Variants in HSD17B12 observed in about 807,000 individuals in gnomAD.
HSD17B12 encodes very-long-chain 3-oxoacyl-CoA reductase.
In HSD17B12, 32 loss-of-function variants were observed where a neutral mutation model predicts 39.3. The observed-to-expected ratio is 0.81, with a 90% CI of 0.61 to 1.09. The LOEUF (loss-of-function observed/expected upper bound fraction) is 1.09, where lower values mean the gene tolerates loss of function less well. Among genes scored for constraint, HSD17B12 ranks in the 50% least tolerant of loss-of-function variants. HSD17B12 has a pLI of 0.00. For missense variants in HSD17B12, 342 were observed against 382.9 expected (o/e 0.89, Z 0.89); for synonymous variants, 150 against 146.7 (o/e 1.02, Z -0.16).
chr11:43,678,392 A>G (rs1376786884), upstream of HSD17B12, among the ~76,000 whole-genome samples: 17 of 151,926 alleles, frequency 1.1e-4, 1 homozygote, highest in Non-Finnish European at 2.5e-4. Flanking sequence ...TTGCCTGTTC[A>G]CTCTGATGGT....
intron 1 of HSD17B12, among the ~76,000 whole-genome samples, chr11:43,735,533 T>C (rs1950308792): frequency 6.6e-6 from 1 of 152,240 alleles, no homozygotes. Flanking sequence ...CTGTTGGCCA[T>C]TTGTATATCC....
At chr11:43,714,915 GCTCT>G (rs982556488) in intron 1 of HSD17B12, among the ~76,000 whole-genome samples, 69 of 152,128 alleles carry the variant, frequency 4.5e-4, no homozygotes, top group African/African-American at 1.5e-3. Flanking sequence ...TCATGGTTTG[GCTCT>G]CTATTTGTCT....
At chr11:43,627,706 TA>T in the HSD17B12 span, among the ~76,000 whole-genome samples, 2 of 152,016 alleles carry the variant, frequency 1.3e-5, no homozygotes, top group Non-Finnish European at 2.9e-5. Context: ...TTTTGCCTCT[TA>T]TAAAAAAATT....
At chr11:43,715,740 G>A (rs1950116353) in intron 1 of HSD17B12, among the ~76,000 whole-genome samples, 1 of 152,160 alleles carries the variant, frequency 6.6e-6, no homozygotes. Flanking sequence ...ATTTGGCTGT[G>A]AATCTGTCTA....
rs930815029 is a variant in HSD17B12 at position 43,838,208 on chromosome 11, A to G, written c.537-109A>G. On this transcript the variant is annotated intron_variant, in intron 7 of 10. Coordinates refer to ENST00000278353, the MANE Select transcript of HSD17B12 (RefSeq NM_016142.3). ...AGGCAGGGAGAGATATGTGGTAGAAAAACAGCTACATTATTCTGTTTCGAA... is the reference window on the plus strand; with the variant it reads ...AGGCAGGGAGAGATATGTGGTAGAAGAACAGCTACATTATTCTGTTTCGAA... 7 of 783,676 alleles carry G rather than the reference A, an allele frequency of 8.9e-6. No individual in the cohort carries two copies. The South Asian group carries it at 1.0e-4, about 12-fold the overall frequency. The allele number at this position is 783,676 out of a possible 1,614,324, so 48.5% of individuals were successfully genotyped here.
At chr11:43,807,795 G>T (rs898720070) in intron 4 of HSD17B12, among the ~76,000 whole-genome samples, 14 of 152,102 alleles carry the variant, frequency 9.2e-5, no homozygotes, top group African/African-American at 3.4e-4. Flanking sequence ...TTCTGATGAG[G>T]GTCCTCATCG....
At chr11:43,581,500 G>T in the HSD17B12 span, 12 of 492,356 alleles carry the variant, frequency 2.4e-5, no homozygotes, top group South Asian at 1.2e-4. This position sits in a 1 kb window ranked among gnomAD's most constrained non-coding sequence, Gnocchi z 4.9. Context: ...TCGAGAAGAC[G>T]GCAGCCATCC....
chr11:43,798,389 T>A lies in HSD17B12; in HGVS notation c.353T>A (p.Ile118Asn). The A allele has an allele frequency of 6.2e-7, 1 of 1,612,364 alleles. No homozygotes were observed. Residue 118 changes from isoleucine (I) to asparagine (N), a missense_variant, in exon 4 of 11, where the codon ATT becomes AAT. Transcript: ENST00000278353. ...DFASEDIYDK[I>N]KTGLAGLEIG... ...GCATCAGAAGATATTTATGATAAAA[T>A]TAAAACAGGCTTGGCTGGTCTTGAA...
chr11:43,747,674 C>T (rs921855498), intron 1 of HSD17B12, among the ~76,000 whole-genome samples: 8 of 152,294 alleles, frequency 5.3e-5, no homozygotes, highest in Admixed American at 2.6e-4. Context: ...AGCTACTCTT[C>T]GATAAGTTAA....
At chr11:43,783,953 A>G (rs1950791512) in intron 3 of HSD17B12, among the ~76,000 whole-genome samples, 1 of 152,236 alleles carries the variant, frequency 6.6e-6, no homozygotes, top group Non-Finnish European at 1.5e-5. Flanking sequence ...GAACAACCAC[A>G]TCATTTTACA....
chr11:43,616,520 C>T, the HSD17B12 span, among the ~76,000 whole-genome samples: 1 of 151,322 alleles, frequency 6.6e-6, no homozygotes, highest in Non-Finnish European at 1.5e-5. Flanking sequence ...ATTGAATGCT[C>T]ATCATATGCC....
At chr11:43,683,445 C>G (rs1043982860) in intron 1 of HSD17B12, among the ~76,000 whole-genome samples, 4 of 151,680 alleles carry the variant, frequency 2.6e-5, no homozygotes, top group African/African-American at 9.7e-5. Flanking sequence ...AGAAAATACT[C>G]CCTTTATCTT....
At chr11:43,813,502 G>A (rs915101753) in intron 4 of HSD17B12, among the ~76,000 whole-genome samples, 5 of 151,698 alleles carry the variant, frequency 3.3e-5, no homozygotes, top group Admixed American at 3.3e-4. Context: ...GCCTTTCCTG[G>A]AAGATTCTGT....
intron 3 of HSD17B12, among the ~76,000 whole-genome samples, chr11:43,767,089 A>G (rs1950602051): frequency 6.6e-6 from 1 of 152,154 alleles, no homozygotes; most frequent in African/African-American, 2.4e-5. Flanking sequence ...AGTGTACTCC[A>G]CCGTGGCCAG....
intron 1 of HSD17B12, among the ~76,000 whole-genome samples, chr11:43,713,497 A>G (rs997769852): frequency 1.3e-5 from 2 of 151,970 alleles, no homozygotes; most frequent in Admixed American, 6.5e-5. Context: ...CATGGTGTAT[A>G]TGTGCCACAT....
chr11:43,851,002 A>C (rs2135147769), intron 9 of HSD17B12, among the ~76,000 whole-genome samples: 1 of 152,372 alleles, frequency 6.6e-6, no homozygotes, highest in South Asian at 2.1e-4. Flanking sequence ...TGGAGGTTGC[A>C]GTGAGCCGAG....
chr11:43,688,487 C>T (rs1314748837), intron 1 of HSD17B12, among the ~76,000 whole-genome samples: 4 of 152,142 alleles, frequency 2.6e-5, no homozygotes, highest in African/African-American at 7.2e-5. Flanking sequence ...TCAGAAAGAA[C>T]GCTTTGTTTT....
At chr11:43,707,386 T>C (rs1296868404) in intron 1 of HSD17B12, among the ~76,000 whole-genome samples, 4 of 152,200 alleles carry the variant, frequency 2.6e-5, no homozygotes, top group African/African-American at 9.7e-5. Context: ...TAGGGAAGAT[T>C]TTCTCGATAC....
the HSD17B12 span, among the ~76,000 whole-genome samples, chr11:43,572,129 G>C: frequency 6.6e-6 from 1 of 152,120 alleles, no homozygotes; most frequent in Non-Finnish European, 1.5e-5. Context: ...CCATCTCAGG[G>C]GCATCCTCGG....
Sources: gnomAD v4.1 joint callset for allele counts (sites outside exome capture counted in the v4.1 genomes callset) on GRCh38, gnomAD v4.1.1 for gene constraint, Gnocchi (gnomAD v3.1) non-coding constraint, MANE v1.5 for transcripts, NCBI Gene and HGNC (gene_info 2026-07-23, HGNC 2026-07-21) for gene names.